The following PRDM10 variants were observed in gnomAD, a reference collection of about 807,000 sequenced individuals.
The protein encoded by PRDM10 is PR/SET domain 10.
PRDM10 carries 65 observed loss-of-function variants against 133.1 expected under a neutral mutation model. That is an observed-to-expected ratio of 0.49 (90% CI 0.40 to 0.60). PRDM10 has a LOEUF of 0.60. PRDM10 is among the 20% of genes least tolerant of loss of function. The probability of loss-of-function intolerance (pLI) is 0.00; values close to 1 mark genes in which losing one functional copy is unlikely to be tolerated. For missense variants in PRDM10, 1,137 were observed against 1,507.1 expected (o/e 0.75, Z 4.07); for synonymous variants, 582 against 580.4 (o/e 1.00, Z -0.04).
Position 129,915,719 on chromosome 11 carries a change from C to T in PRDM10, c.2467G>A (p.Gly823Ser). Reference protein sequence around the residue: ...PMLSTHTQLTGTIATPPVCCP... With the variant: ...PMLSTHTQLTSTIATPPVCCP... Reference sequence around the variant, plus strand: ...CAGACGGGAGGGGTGGCGATGGTGCCCGTCAGCTGGGTGTGTGTGCTCAGC... The same window carrying T: ...CAGACGGGAGGGGTGGCGATGGTGCTCGTCAGCTGGGTGTGTGTGCTCAGC... Residue 823 changes from glycine (G) to serine (S), a missense_variant, in exon 16 of 21, where the codon GGC (glycine) becomes AGC (serine). Gly to Ser is a moderately conservative substitution (Grantham distance 56). Transcript: ENST00000360871. 1 of 1,614,012 alleles carries T rather than the reference C, an allele frequency of 6.2e-7. No individual in the cohort carries two copies. Among genetic ancestry groups the T allele is most frequent in the Non-Finnish European group, 8.5e-7 (1 of 1,179,980 alleles).
In PRDM10 at chr11:129,921,518, CG is replaced by C. The variant is rs369051278; in HGVS notation, c.2034+1729del. Among the ~76,000 whole-genome samples the C allele has an allele frequency of 8.8e-4, 134 of 152,244 alleles. 1 individual carries two copies. The East Asian group carries it at 0.019, about 22-fold the overall frequency. ...AGCATCTTAGAAGTAACAAGAACTT[CG>C]GGATTTATCTGCGTGAAGAGCTATT... On this transcript the variant is annotated intron_variant, in intron 13 of 20. Coordinates refer to ENST00000360871, the MANE Select transcript of PRDM10 (RefSeq NM_199437.2).
rs778845242 is a variant in PRDM10 at position 129,947,393 on chromosome 11, G to A, written c.295-23C>T. 4 of 1,613,738 alleles carry A rather than the reference G, an allele frequency of 2.5e-6. No homozygotes were observed. The highest frequency in any genetic ancestry group is 3.4e-6 in the Non-Finnish European group (4 of 1,179,752). On this transcript the variant is annotated intron_variant, in intron 4 of 20. Coordinates refer to ENST00000360871, the MANE Select transcript of PRDM10 (RefSeq NM_199437.2). The surrounding 1 kb of genome is among the most constrained non-coding windows in gnomAD (Gnocchi z 4.6). ...GGCCTGGGCAAAAGTTGAAGGCACAGAGTAAGCAGACATGGACACCTGCTT... is the reference window on the plus strand; with the variant it reads ...GGCCTGGGCAAAAGTTGAAGGCACAAAGTAAGCAGACATGGACACCTGCTT...
intron 2 of PRDM10, among the ~76,000 whole-genome samples, chr11:129,959,753 T>C (rs143850643): frequency 2.1e-4 from 32 of 152,286 alleles, no homozygotes; most frequent in African/African-American, 7.0e-4. Flanking sequence ...TCAGTGGAAC[T>C]TTTTTAAGTA....
chr11:129,955,063 G>A (rs1220694713), intron 4 of PRDM10, among the ~76,000 whole-genome samples: 1 of 152,176 alleles, frequency 6.6e-6, no homozygotes, highest in Non-Finnish European at 1.5e-5. Context: ...GGAAAGAAAT[G>A]TTTTAAAAGA....
At position 129,901,581 on chromosome 11, in the gene PRDM10, C is replaced by T. The variant is rs2135693602; in HGVS notation, c.*732G>A. Reference sequence around the variant, plus strand: ...GGGTTTAGATTCTGCTGACATCAAGCAGCCTTTTCTCTTTCAGGTTGTCCA... The same window carrying T: ...GGGTTTAGATTCTGCTGACATCAAGTAGCCTTTTCTCTTTCAGGTTGTCCA... On this transcript the variant is annotated 3_prime_UTR_variant, in exon 21 of 21. Transcript: ENST00000360871. 1 of 152,340 alleles carries T rather than the reference C, an allele frequency of 6.6e-6. No individual in the cohort carries two copies. The highest frequency in any genetic ancestry group is 2.1e-4 in the South Asian group (1 of 4,826). The allele number at this position is 152,340 out of a possible 1,614,324, so 9.4% of individuals were successfully genotyped here. A position where few individuals can be genotyped will look rare whatever the true frequency, so the allele number is the denominator to read the frequency against.
In PRDM10 at chr11:129,947,523, C is replaced by T. The variant is rs1006553660; in HGVS notation, c.295-153G>A. The T allele has an allele frequency of 4.0e-6, 6 of 1,504,000 alleles. No individual in the cohort carries two copies. In the African/African-American group the frequency reaches 4.2e-5, roughly 10 times the overall value. The allele number at this position is 1,504,000 out of a possible 1,614,324, so 93.2% of individuals were successfully genotyped here. ...CCCTGGAAAAATGACTTCCATCTAC[C>T]GGCTGTGAGGAAGAGCTGGCTTCAT... On this transcript the variant is annotated intron_variant, in intron 4 of 20. Transcript: ENST00000360871. This position sits in a 1 kb window ranked among gnomAD's most constrained non-coding sequence, Gnocchi z 4.6.
intron 9 of PRDM10, among the ~76,000 whole-genome samples, chr11:129,932,641 C>A (rs1215682405): frequency 6.6e-6 from 1 of 152,164 alleles, no homozygotes; most frequent in East Asian, 1.9e-4. Flanking sequence ...AGAAATGTGG[C>A]CAAATTCAAA....
chr11:129,971,278 C>T (rs953557449), intron 1 of PRDM10, among the ~76,000 whole-genome samples: 1 of 152,208 alleles, frequency 6.6e-6, no homozygotes, highest in Non-Finnish European at 1.5e-5. Flanking sequence ...CTAGCTCGGG[C>T]AGCCTGCTTT....
At chr11:129,911,988 A>G in intron 18 of PRDM10, 97 bp downstream of exon 18, 2 of 1,362,178 alleles carry the variant, frequency 1.5e-6, no homozygotes, top group Non-Finnish European at 1.9e-6. Context: ...ACAGTAGCTG[A>G]GGAGACTAGG....
chr11:129,909,505 T>C (rs889133362), intron 19 of PRDM10, among the ~76,000 whole-genome samples: 3 of 151,456 alleles, frequency 2.0e-5, no homozygotes, highest in Non-Finnish European at 2.9e-5. Context: ...AGTTTGAGCC[T>C]GACTCCATAG....
intron 5 of PRDM10, among the ~76,000 whole-genome samples, 169 bp downstream of exon 5, chr11:129,946,976 A>C (rs1388298114): frequency 6.6e-6 from 1 of 152,126 alleles, no homozygotes; most frequent in Non-Finnish European, 1.5e-5. Flanking sequence ...AGTGTCCCTC[A>C]AAGGGCTGCA....
At chr11:130,002,600 G>A (rs1939491256) in intron 1 of PRDM10, 122 bp downstream of exon 1, 1 of 152,830 alleles carries the variant, frequency 6.5e-6, no homozygotes, top group Non-Finnish European at 1.5e-5. Flanking sequence ...GCCGGGCTCT[G>A]AGACGCGGAA....
chr11:130,000,930 A>T (rs1443316910), intron 1 of PRDM10, among the ~76,000 whole-genome samples: 1 of 152,134 alleles, frequency 6.6e-6, no homozygotes, highest in African/African-American at 2.4e-5. Context: ...AAAATGATGA[A>T]ACCCCGTTTC....
chr11:129,948,127 T>G (rs1445305566), intron 4 of PRDM10: 2 of 455,838 alleles, frequency 4.4e-6, no homozygotes, highest in Non-Finnish European at 8.8e-6. Context: ...AGACACAGTT[T>G]GGGTCATGTA....
chr11:129,912,617 C>A (rs183651446), intron 17 of PRDM10, among the ~76,000 whole-genome samples: 1 of 151,606 alleles, frequency 6.6e-6, no homozygotes, highest in African/African-American at 2.4e-5. Flanking sequence ...CTGGGTGTGG[C>A]GGCAGGCACC....
chr11:129,982,152 C>G (rs192629488), intron 1 of PRDM10, among the ~76,000 whole-genome samples: 1 of 150,336 alleles, frequency 6.7e-6, no homozygotes, highest in Non-Finnish European at 1.5e-5. Context: ...CCAGCTACTC[C>G]GGAGGCTGAG....
At chr11:130,002,130 C>T (rs1474936857) in intron 1 of PRDM10, among the ~76,000 whole-genome samples, 3 of 150,176 alleles carry the variant, frequency 2.0e-5, no homozygotes, top group Admixed American at 1.3e-4. Flanking sequence ...CGCACTGCCA[C>T]CCCCAGCCCG....
intron 1 of PRDM10, among the ~76,000 whole-genome samples, chr11:129,978,262 G>A (rs767912202): frequency 3.9e-5 from 6 of 152,096 alleles, no homozygotes; most frequent in Non-Finnish European, 8.8e-5. Context: ...ATGGAGCTCT[G>A]GAAGCTCCAA....
At chr11:129,988,483 C>T (rs1339887716) in intron 1 of PRDM10, among the ~76,000 whole-genome samples, 2 of 151,832 alleles carry the variant, frequency 1.3e-5, no homozygotes, top group Non-Finnish European at 1.5e-5. Flanking sequence ...TCACCTGCCT[C>T]GGCCTCCCAA....
Sources: allele counts gnomAD v4.1 joint callset (sites outside exome capture counted in the v4.1 genomes callset), GRCh38; gene constraint gnomAD v4.1.1; non-coding constraint Gnocchi (gnomAD v3.1); transcripts MANE v1.5; gene names NCBI Gene and HGNC (gene_info 2026-07-23, HGNC 2026-07-21).